The following ZBTB20 variants were observed in gnomAD, a reference collection of about 807,000 sequenced individuals.
ZBTB20 encodes zinc finger and BTB domain-containing protein 20.
Under a neutral mutation model 56.9 loss-of-function variants are expected in ZBTB20, and 9 were observed. That is an observed-to-expected ratio of 0.16 (90% confidence interval 0.10 to 0.28). The LOEUF (loss-of-function observed/expected upper bound fraction) is 0.28, where lower values mean the gene tolerates loss of function less well. Ranked by LOEUF, ZBTB20 falls within the 10% of genes least tolerant of loss-of-function variation. The pLI is 1.00. For missense variants in ZBTB20, 655 were observed against 1,003.0 expected, an observed-to-expected ratio of 0.65 and a Z score of 4.69; for synonymous variants, 417 against 420.7, an observed-to-expected ratio of 0.99 and a Z score of 0.11.
intron 2 of ZBTB20, among the ~76,000 whole-genome samples, chr3:114,976,279 G>C (rs1186009110): frequency 6.6e-6 from 1 of 152,094 alleles, no homozygotes; most frequent in African/African-American, 2.4e-5. Context: ...CTCAAAGGAC[G>C]TAAGAATAAT....
At chr3:114,838,549 G>C (rs752173623) in intron 4 of ZBTB20, among the ~76,000 whole-genome samples, 12 of 151,986 alleles carry the variant, frequency 7.9e-5, no homozygotes, top group East Asian at 1.9e-4. Flanking sequence ...GGTGTGACTG[G>C]GGGGGGAAAG....
chr3:114,930,457 C>T (rs1283446543), intron 3 of ZBTB20: 2 of 152,636 alleles, frequency 1.3e-5, no homozygotes, highest in Non-Finnish European at 2.9e-5. Context: ...CCCAGAGAGC[C>T]CTGAGCAGCC....
At chr3:114,835,554 T>C (rs1230536968) in intron 4 of ZBTB20, among the ~76,000 whole-genome samples, 1 of 152,186 alleles carries the variant, frequency 6.6e-6, no homozygotes, top group Non-Finnish European at 1.5e-5. Flanking sequence ...TACAATACAA[T>C]TTAATTTTAT....
In ZBTB20 at chr3:114,336,648, G is replaced by A. The variant is rs1450799681; in HGVS notation, c.*2357C>T. ...TGAAAAAGATCCAAGTTAACCAAAT[G>A]TCTAAAATATATGAATAAAACCAAT... On this transcript the variant is annotated 3_prime_UTR_variant, in exon 12 of 12. Coordinates refer to ENST00000675478, the MANE Select transcript of ZBTB20 (RefSeq NM_001348800.3). 1 of 152,148 alleles carries A rather than the reference G, an allele frequency of 6.6e-6. No homozygotes were observed. Among genetic ancestry groups the A allele is most frequent in the Non-Finnish European group, 1.5e-5 (1 of 68,012 alleles). The allele number at this position is 152,148 out of a possible 1,614,324, so 9.4% of individuals were successfully genotyped here.
At chr3:115,086,255 C>T (rs2082980963) in intron 1 of ZBTB20, among the ~76,000 whole-genome samples, 1 of 151,742 alleles carries the variant, frequency 6.6e-6, no homozygotes, top group Admixed American at 6.6e-5. Flanking sequence ...ACCTTAAAGG[C>T]TTATGAAGAT....
chr3:115,019,562 C>A (rs2080120498), intron 2 of ZBTB20, among the ~76,000 whole-genome samples: 1 of 151,268 alleles, frequency 6.6e-6, no homozygotes, highest in Non-Finnish European at 1.5e-5. Context: ...AATTAGCGGA[C>A]ATCTAAGTAC....
At chr3:114,999,053 A>AAGGAGAGGAG (rs141132185) in intron 2 of ZBTB20, among the ~76,000 whole-genome samples, 2 of 142,170 alleles carry the variant, frequency 1.4e-5, no homozygotes, top group African/African-American at 2.6e-5. Flanking sequence ...AAGGAGGGGA[A>AAGGAGAGGAG]AGGAGAGGAG....
chr3:114,995,326 T>G (rs1022761584), intron 2 of ZBTB20, among the ~76,000 whole-genome samples: 1 of 151,932 alleles, frequency 6.6e-6, no homozygotes, highest in East Asian at 1.9e-4. Flanking sequence ...CTTATTATAC[T>G]TTTGAAATAG....
intron 4 of ZBTB20, among the ~76,000 whole-genome samples, chr3:114,894,749 C>T (rs369076929): frequency 2.0e-5 from 3 of 152,138 alleles, no homozygotes; most frequent in East Asian, 3.9e-4. Context: ...CTGAGAAGAA[C>T]CAACCTGGCT....
intron 2 of ZBTB20, among the ~76,000 whole-genome samples, chr3:115,014,657 G>A (rs900113305): frequency 2.0e-5 from 3 of 151,690 alleles, no homozygotes; most frequent in African/African-American, 7.3e-5. Flanking sequence ...GCTAGGAGAT[G>A]TAGCGATGAA....
chr3:114,917,458 T>G (rs1160436552), intron 3 of ZBTB20, among the ~76,000 whole-genome samples: 1 of 152,160 alleles, frequency 6.6e-6, no homozygotes, highest in East Asian at 1.9e-4. Flanking sequence ...GAAGTAGGTA[T>G]TTATTGTAGT....
At chr3:115,043,367 T>A (rs1393834761) in intron 2 of ZBTB20, among the ~76,000 whole-genome samples, 1 of 150,240 alleles carries the variant, frequency 6.7e-6, no homozygotes, top group African/African-American at 2.5e-5. Flanking sequence ...GAAACCAGCC[T>A]GGCCAACATG....
intron 5 of ZBTB20, among the ~76,000 whole-genome samples, chr3:114,697,344 C>T (rs541334083): frequency 6.6e-6 from 1 of 151,930 alleles, no homozygotes; most frequent in East Asian, 1.9e-4. Flanking sequence ...AAATAAGTTG[C>T]CTTATATTAC....
intron 5 of ZBTB20, among the ~76,000 whole-genome samples, chr3:114,748,352 T>TTTTCTCTCTCTC (rs1553807326): frequency 2.1e-5 from 1 of 48,578 alleles, no homozygotes; most frequent in Admixed American, 2.6e-4. Context: ...TTTCTTTCTT[T>TTTTCTCTCTCTC]TCTCTCTCTC....
intron 6 of ZBTB20, among the ~76,000 whole-genome samples, chr3:114,550,870 C>T (rs1449529708): frequency 2.0e-5 from 3 of 152,134 alleles, no homozygotes; most frequent in Admixed American, 6.5e-5. Flanking sequence ...CGTGCCTCAG[C>T]GTCCCGAGTA....
chr3:114,705,623 T>A (rs897616198), intron 5 of ZBTB20, among the ~76,000 whole-genome samples: 1 of 152,158 alleles, frequency 6.6e-6, no homozygotes, highest in Non-Finnish European at 1.5e-5. Flanking sequence ...AAACCCAGTA[T>A]CAAAATTTGG....
At chr3:114,963,926 C>T (rs568193280) in intron 3 of ZBTB20, among the ~76,000 whole-genome samples, 1 of 152,112 alleles carries the variant, frequency 6.6e-6, no homozygotes, top group African/African-American at 2.4e-5. Context: ...TTTAAAGAAC[C>T]CCTTTTTCCT....
intron 1 of ZBTB20, among the ~76,000 whole-genome samples, chr3:115,077,717 A>G (rs780985114): frequency 1.3e-5 from 2 of 152,228 alleles, no homozygotes; most frequent in African/African-American, 2.4e-5. Context: ...CAGGGCTGTT[A>G]TTAATAAAAC....
At chr3:114,837,571 G>A (rs1001556102) in intron 4 of ZBTB20, among the ~76,000 whole-genome samples, 1 of 152,072 alleles carries the variant, frequency 6.6e-6, no homozygotes, top group Non-Finnish European at 1.5e-5. Context: ...CACATGTGAA[G>A]GTCTTCACAC....
Sources: gnomAD v4.1 joint callset for allele counts (sites outside exome capture counted in the v4.1 genomes callset) on GRCh38, gnomAD v4.1.1 for gene constraint, MANE v1.5 for transcripts, NCBI Gene and HGNC (gene_info 2026-07-23, HGNC 2026-07-21) for gene names.